The following CAMKMT variants were observed in gnomAD, a reference collection of about 807,000 sequenced individuals.
CAMKMT encodes the protein calmodulin-lysine N-methyltransferase.
CAMKMT carries 53 observed loss-of-function variants against 48.0 expected under a neutral mutation model. The ratio of observed to expected loss-of-function variants is 1.10; its 90% CI spans 0.89 to 1.39. The LOEUF (loss-of-function observed/expected upper bound fraction) is 1.39, where lower values mean the gene tolerates loss of function less well. Among genes scored for constraint, CAMKMT ranks in the 40% most tolerant of loss-of-function variants. The pLI is 0.00. For synonymous variants in CAMKMT, 165 were observed against 152.3 expected (o/e 1.08, Z -0.61); for missense variants, 428 against 402.7 (o/e 1.06, Z -0.54).
At chr2:44,592,191 T>G (rs1435700304) in intron 3 of CAMKMT, among the ~76,000 whole-genome samples, 1 of 152,042 alleles carries the variant, frequency 6.6e-6, no homozygotes, top group Non-Finnish European at 1.5e-5. Context: ...TGTGCACATG[T>G]ACCCTAAAAC....
chr2:44,499,590 T>C (rs786411), intron 3 of CAMKMT, among the ~76,000 whole-genome samples: 41,352 of 152,166 alleles, frequency 0.27, 7,007 homozygotes, highest in African/African-American at 0.47. Context: ...ATTATTATCT[T>C]ATATCCTTAC....
intron 3 of CAMKMT, among the ~76,000 whole-genome samples, chr2:44,417,740 C>A (rs1466250743): frequency 6.6e-6 from 1 of 152,210 alleles, no homozygotes; most frequent in Admixed American, 6.5e-5. Flanking sequence ...TTATCTTTAA[C>A]CATTCTGCTA....
intron 3 of CAMKMT, among the ~76,000 whole-genome samples, chr2:44,485,239 G>A (rs1159212474): frequency 3.9e-5 from 6 of 152,104 alleles, no homozygotes; most frequent in African/African-American, 1.2e-4. Context: ...ACCAAAAGAC[G>A]TATGCAAGAA....
At chr2:44,364,900 G>A (rs558959962) in intron 1 of CAMKMT, among the ~76,000 whole-genome samples, 1 of 152,220 alleles carries the variant, frequency 6.6e-6, no homozygotes, top group African/African-American at 2.4e-5. Context: ...TTAAACCCCT[G>A]CTCACATCAT....
At chr2:44,551,063 C>T (rs191483754) in intron 3 of CAMKMT, among the ~76,000 whole-genome samples, 1 of 152,202 alleles carries the variant, frequency 6.6e-6, no homozygotes, top group Admixed American at 6.5e-5. Context: ...TCTATTCTAC[C>T]TAGCCACATA....
chr2:44,727,119 A>T (rs896482336), intron 7 of CAMKMT, among the ~76,000 whole-genome samples: 1 of 152,158 alleles, frequency 6.6e-6, no homozygotes, highest in African/African-American at 2.4e-5. Context: ...TTGGTTCCAT[A>T]TGAATTTTAA....
chr2:44,547,875 A>T (rs762145305), intron 3 of CAMKMT, among the ~76,000 whole-genome samples: 1 of 152,198 alleles, frequency 6.6e-6, no homozygotes, highest in African/African-American at 2.4e-5. Context: ...TTTTGAGCTG[A>T]AGCTGCAGTG....
At chr2:44,463,507 C>T (rs1288318434) in intron 3 of CAMKMT, among the ~76,000 whole-genome samples, 1 of 152,126 alleles carries the variant, frequency 6.6e-6, no homozygotes, top group Non-Finnish European at 1.5e-5. Flanking sequence ...ATGCAATATA[C>T]TAGCTTTTTA....
chr2:44,741,645 C>A (rs116418234), intron 7 of CAMKMT, among the ~76,000 whole-genome samples: 3,177 of 152,306 alleles, frequency 0.021, 57 homozygotes, highest in Non-Finnish European at 0.032. Context: ...TGTAGCACAG[C>A]CATAAGCCTC....
chr2:44,614,803 C>T (rs1671778586), intron 3 of CAMKMT, among the ~76,000 whole-genome samples: 1 of 152,060 alleles, frequency 6.6e-6, no homozygotes, highest in African/African-American at 2.4e-5. Context: ...AGTCTTGTCT[C>T]AGTATGCTTC....
At chr2:44,494,196 A>G (rs904315641) in intron 3 of CAMKMT, among the ~76,000 whole-genome samples, 1 of 152,234 alleles carries the variant, frequency 6.6e-6, no homozygotes, top group Non-Finnish European at 1.5e-5. Flanking sequence ...CCCTCGCTCA[A>G]AACAACTCCC....
At chr2:44,470,305 C>T (rs1668346928) in intron 3 of CAMKMT, among the ~76,000 whole-genome samples, 1 of 152,126 alleles carries the variant, frequency 6.6e-6, no homozygotes, top group African/African-American at 2.4e-5. Flanking sequence ...TGCTTTAATT[C>T]TATTGCCCCA....
chr2:44,750,595 T>G (rs1328834841), intron 8 of CAMKMT, among the ~76,000 whole-genome samples: 2 of 152,192 alleles, frequency 1.3e-5, no homozygotes, highest in Non-Finnish European at 2.9e-5. Context: ...TCTCATACAC[T>G]CCTCAAGCCA....
At chr2:44,601,450 C>G (rs1358106954) in intron 3 of CAMKMT, among the ~76,000 whole-genome samples, 1 of 151,854 alleles carries the variant, frequency 6.6e-6, no homozygotes, top group African/African-American at 2.4e-5. Context: ...GAGTGAAACT[C>G]TGTCTCAAAA....
intron 3 of CAMKMT, among the ~76,000 whole-genome samples, chr2:44,552,297 C>G (rs899695395): frequency 6.6e-6 from 1 of 152,058 alleles, no homozygotes; most frequent in African/African-American, 2.4e-5. Flanking sequence ...ACTTTTGAGT[C>G]TTTTAAATAA....
Position 44,399,074 on chromosome 2 carries a change from A to C in CAMKMT, c.376+8769A>C, listed in dbSNP as rs181485600. 1.1e-4 allele frequency among the ~76,000 whole-genome samples: 17 copies of C among 152,320 alleles called. 1 individual carries two copies. The East Asian group carries it at 3.1e-3, about 28-fold the overall frequency. Reference sequence around the variant, plus strand: ...GAAAAGGCGCATGTTTTGTGTAATTATAGATACGTCACATGCTCACAATCT... The same window carrying C: ...GAAAAGGCGCATGTTTTGTGTAATTCTAGATACGTCACATGCTCACAATCT... On this transcript the variant is annotated intron_variant, in intron 3 of 10. Transcript: ENST00000378494.
At chr2:44,609,320 G>A in intron 3 of CAMKMT, among the ~76,000 whole-genome samples, 1 of 152,172 alleles carries the variant, frequency 6.6e-6, no homozygotes, top group East Asian at 1.9e-4. Flanking sequence ...GTGATATATT[G>A]TATTTTTGAA....
intron 7 of CAMKMT, chr2:44,723,627 A>G (rs144262350): frequency 9.0e-5 from 13 of 145,160 alleles, no homozygotes; most frequent in Non-Finnish European, 1.9e-4. Context: ...TAAATAAATA[A>G]ATAAATAAAT....
intron 3 of CAMKMT, among the ~76,000 whole-genome samples, chr2:44,588,127 G>A (rs1669988084): frequency 7.4e-6 from 1 of 134,626 alleles, no homozygotes; most frequent in Admixed American, 7.5e-5. Flanking sequence ...CTGCTGGGCC[G>A]CAACCCTGTC....
Sources: gnomAD v4.1 joint callset for allele counts (sites outside exome capture counted in the v4.1 genomes callset) on GRCh38, gnomAD v4.1.1 for gene constraint, MANE v1.5 for transcripts, NCBI Gene and HGNC (gene_info 2026-07-23, HGNC 2026-07-21) for gene names.